The following GLIS3 variants were observed in gnomAD, a reference collection of about 807,000 sequenced individuals.
The protein encoded by GLIS3 is zinc finger protein GLIS3.
A neutral mutation model predicts 78.6 loss-of-function variants in GLIS3; 53 were observed. The ratio of observed to expected loss-of-function variants is 0.67; its 90% confidence interval spans 0.54 to 0.85. The LOEUF (loss-of-function observed/expected upper bound fraction) is 0.85. Among genes scored for constraint, GLIS3 ranks in the 40% least tolerant of loss-of-function variants. GLIS3 has a pLI of 0.00. For missense variants in GLIS3, 1,703 were observed against 1,231.1 expected, an observed-to-expected ratio of 1.38 and a Z score of -5.74; for synonymous variants, 684 against 509.9, an observed-to-expected ratio of 1.34 and a Z score of -4.60.
chr9:4,397,678 AAGGGAGGGAGGGAGGG>A, the GLIS3 span, among the ~76,000 whole-genome samples: 5 of 42,588 alleles, frequency 1.2e-4, no homozygotes, highest in East Asian at 2.0e-3. Context: ...GGGAGGGAGG[AAGGGAGGGAGGGAGGG>A]AGGGAGGGAG....
chr9:4,148,073 T>C (rs1834365962), intron 2 of GLIS3, among the ~76,000 whole-genome samples: 1 of 152,186 alleles, frequency 6.6e-6, no homozygotes, highest in Non-Finnish European at 1.5e-5. Context: ...TCTCCTTTTT[T>C]TTCTTTTGCA....
chr9:4,361,218 G>A, the GLIS3 span, among the ~76,000 whole-genome samples: 659 of 152,240 alleles, frequency 4.3e-3, 7 homozygotes, highest in African/African-American at 0.015. Context: ...GTTTTCTCTA[G>A]GCAGTCTTAA....
chr9:4,041,832 C>T (rs1824837226), intron 4 of GLIS3, among the ~76,000 whole-genome samples: 2 of 152,126 alleles, frequency 1.3e-5, no homozygotes, highest in Admixed American at 6.6e-5. Context: ...TAGTCCTTGC[C>T]TTTTTCTGCA....
intron 7 of GLIS3, among the ~76,000 whole-genome samples, chr9:3,893,872 G>A (rs1430810801): frequency 1.3e-5 from 2 of 152,162 alleles, no homozygotes; most frequent in Non-Finnish European, 2.9e-5. Flanking sequence ...GATGCATACT[G>A]AAGGACTGGC....
intron 4 of GLIS3, among the ~76,000 whole-genome samples, chr9:3,989,728 G>C (rs1447166877): frequency 6.6e-6 from 1 of 152,186 alleles, no homozygotes; most frequent in African/African-American, 2.4e-5. Context: ...GTTAGGGATG[G>C]CATGTATAGG....
At chr9:4,138,248 G>A (rs560827005) in intron 2 of GLIS3, among the ~76,000 whole-genome samples, 8 of 152,302 alleles carry the variant, frequency 5.3e-5, no homozygotes, top group East Asian at 1.9e-4. Context: ...GAGGGAGAAC[G>A]CATATTGTCA....
At chr9:3,857,085 T>C (rs527404963) in intron 8 of GLIS3, among the ~76,000 whole-genome samples, 1 of 152,292 alleles carries the variant, frequency 6.6e-6, no homozygotes, top group East Asian at 1.9e-4. Context: ...CTATCAAATA[T>C]CAAAATGATC....
rs1216063618 is a variant in GLIS3 at position 4,187,896 on chromosome 9, G to A, written c.389-61955C>T. On this transcript the variant is annotated intron_variant, in intron 2 of 10. Coordinates refer to ENST00000381971, the MANE Select transcript of GLIS3 (RefSeq NM_001042413.2). ...GCTTATCAGCTTAAGGACATTTTGG[G>A]CGGAGACCATGGGGTTTTCTAGATA... Among the ~76,000 whole-genome samples, 11 of 151,954 alleles carry A rather than the reference G, an allele frequency of 7.2e-5. No individual in the cohort carries two copies. In the East Asian group the frequency reaches 2.1e-3, roughly 29 times the overall value.
At chr9:3,960,618 T>C (rs977616058) in intron 4 of GLIS3, among the ~76,000 whole-genome samples, 1 of 152,144 alleles carries the variant, frequency 6.6e-6, no homozygotes, top group Non-Finnish European at 1.5e-5. Flanking sequence ...AATGAAAAGA[T>C]TGTGTTTTGG....
chr9:3,945,049 G>T (rs1252601938), intron 4 of GLIS3, among the ~76,000 whole-genome samples: 1 of 152,174 alleles, frequency 6.6e-6, no homozygotes, highest in Non-Finnish European at 1.5e-5. Context: ...CAGGCCCATA[G>T]GAGCAGCATT....
At position 4,051,302 on chromosome 9, in the gene GLIS3, T is replaced by G. The variant is rs888916540; in HGVS notation, c.1710+66466A>C. On this transcript the variant is annotated intron_variant, in intron 4 of 10. Coordinates refer to ENST00000381971, the MANE Select transcript of GLIS3 (RefSeq NM_001042413.2). Reference sequence around the variant, plus strand: ...AGTATCTGAAGGAAAAAGAAAGGTGTGTGTGGCAGGGGCGGGGATAGGGGG... The same window carrying G: ...AGTATCTGAAGGAAAAAGAAAGGTGGGTGTGGCAGGGGCGGGGATAGGGGG... Among the ~76,000 whole-genome samples the G allele has an allele frequency of 2.0e-5, 3 of 152,136 alleles. No homozygotes were observed. In the East Asian group the frequency reaches 5.8e-4, roughly 29 times the overall value.
intron 7 of GLIS3, among the ~76,000 whole-genome samples, chr9:3,885,732 TTA>T (rs1822032937): frequency 6.6e-6 from 1 of 152,166 alleles, no homozygotes; most frequent in Non-Finnish European, 1.5e-5. Flanking sequence ...CTGGAGAATT[TTA>T]GAGCTGGGAA....
At chr9:4,138,142 G>C (rs574119660) in intron 2 of GLIS3, among the ~76,000 whole-genome samples, 21 of 152,228 alleles carry the variant, frequency 1.4e-4, no homozygotes, top group African/African-American at 5.1e-4. Context: ...AGCCTCATCT[G>C]GTGGACACAT....
At chr9:4,290,575 G>A (rs1020029540) in intron 1 of GLIS3, among the ~76,000 whole-genome samples, 1 of 152,068 alleles carries the variant, frequency 6.6e-6, no homozygotes, top group Admixed American at 6.6e-5. Context: ...TCTCATGCAC[G>A]GCTGCAGTGT....
intron 4 of GLIS3, among the ~76,000 whole-genome samples, chr9:3,958,493 C>T (rs763871704): frequency 5.3e-5 from 8 of 152,146 alleles, no homozygotes; most frequent in Admixed American, 3.9e-4. Context: ...TACAAATCTC[C>T]GCATTCTCCC....
chr9:3,864,592 C>T (rs543850881), intron 8 of GLIS3, among the ~76,000 whole-genome samples: 3 of 152,238 alleles, frequency 2.0e-5, no homozygotes, highest in African/African-American at 4.8e-5. Context: ...CAACATAATC[C>T]ATACATTTGA....
intron 4 of GLIS3, among the ~76,000 whole-genome samples, chr9:3,971,338 G>A (rs904932965): frequency 6.6e-6 from 1 of 152,150 alleles, no homozygotes; most frequent in Non-Finnish European, 1.5e-5. Context: ...GGTGTCACTG[G>A]CACAAAGCAG....
chr9:3,878,112 C>T (rs1342341950), intron 8 of GLIS3, among the ~76,000 whole-genome samples: 1 of 152,110 alleles, frequency 6.6e-6, no homozygotes, highest in African/African-American at 2.4e-5. Flanking sequence ...CTTCTTGCTG[C>T]CTGGGATGCT....
chr9:4,054,462 A>T, intron 4 of GLIS3: 1 of 985,412 alleles, frequency 1.0e-6, no homozygotes, highest in South Asian at 4.7e-5. Context: ...TGTGCTCTGG[A>T]GTGAATTCTT....
Sources: allele counts gnomAD v4.1 joint callset (sites outside exome capture counted in the v4.1 genomes callset), GRCh38; gene constraint gnomAD v4.1.1; transcripts MANE v1.5; gene names NCBI Gene and HGNC (gene_info 2026-07-23, HGNC 2026-07-21).